N4BP2L2: variants seen among roughly 807,000 people sequenced by gnomAD.
N4BP2L2 encodes the protein NEDD4-binding protein 2-like 2.
In N4BP2L2, 50 loss-of-function variants were observed where a neutral mutation model predicts 56.2. The observed-to-expected ratio is 0.89, with a 90% CI of 0.71 to 1.13. The LOEUF is 1.13. N4BP2L2 is among the 50% of genes most tolerant of loss of function. The pLI, the probability that N4BP2L2 is intolerant of heterozygous loss-of-function variation, is 0.00. For missense variants in N4BP2L2, 689 were observed against 693.8 expected (o/e 0.99, Z 0.08); for synonymous variants, 203 against 223.6 (o/e 0.91, Z 0.82).
intron 6 of N4BP2L2, among the ~76,000 whole-genome samples, chr13:32,471,724 C>G (rs2082330361): frequency 6.6e-6 from 1 of 152,222 alleles, no homozygotes; most frequent in Non-Finnish European, 1.5e-5. Context: ...TGTGAGAGAG[C>G]TGCTGCGAGA....
At chr13:32,451,706 C>A (rs2078051663) in intron 6 of N4BP2L2, among the ~76,000 whole-genome samples, 1 of 151,324 alleles carries the variant, frequency 6.6e-6, no homozygotes, top group African/African-American at 2.4e-5. Context: ...CCATGCCCAG[C>A]TGCCCAGCTA....
exon 2 of N4BP2L2, chr13:32,536,186 G>A (rs1209952046): frequency 1.2e-6 from 2 of 1,614,034 alleles, no homozygotes; most frequent in Non-Finnish European, 1.7e-6. Context: ...ACTGGGAAGA[G>A]GGGGACCATA....
At chr13:32,499,366 T>G (rs2089514648) in intron 6 of N4BP2L2, among the ~76,000 whole-genome samples, 1 of 152,214 alleles carries the variant, frequency 6.6e-6, no homozygotes, top group Non-Finnish European at 1.5e-5. Flanking sequence ...TTCCATCTGT[T>G]ACTTCCTTAC....
chr13:32,457,718 A>T (rs139939606), intron 6 of N4BP2L2, among the ~76,000 whole-genome samples: 8 of 152,360 alleles, frequency 5.3e-5, no homozygotes, highest in African/African-American at 1.4e-4. Context: ...ACTACAAGAA[A>T]CGTTAAAAGA....
At chr13:32,456,544 T>C (rs1043181085) in intron 6 of N4BP2L2, among the ~76,000 whole-genome samples, 7 of 152,300 alleles carry the variant, frequency 4.6e-5, no homozygotes, top group Admixed American at 3.9e-4. Context: ...AATAATTTTA[T>C]GGAATTCCAG....
intron 6 of N4BP2L2, among the ~76,000 whole-genome samples, chr13:32,481,163 A>C (rs1312584873): frequency 7.4e-6 from 1 of 134,772 alleles, no homozygotes; most frequent in African/African-American, 2.7e-5. Context: ...TGCACTTTTT[A>C]GATTGTGTTC....
exon 2 of N4BP2L2, chr13:32,536,205 T>C (rs372976181): frequency 1.2e-6 from 2 of 1,613,656 alleles, no homozygotes; most frequent in Non-Finnish European, 8.5e-7. Context: ...TAGGGCACTA[T>C]AAAAGGATAT....
chr13:32,498,285 T>C (rs1427622598), intron 6 of N4BP2L2, among the ~76,000 whole-genome samples: 1 of 152,232 alleles, frequency 6.6e-6, no homozygotes, highest in Non-Finnish European at 1.5e-5. Context: ...CACATAATTA[T>C]GTCTGTTGAA....
chr13:32,442,676 C>T (rs1286211168), exon 7 of N4BP2L2: 1 of 1,613,470 alleles, frequency 6.2e-7, no homozygotes, highest in Admixed American at 1.7e-5. Context: ...GTCTGAGATT[C>T]GAAAGTCAAA....
intron 6 of N4BP2L2, among the ~76,000 whole-genome samples, chr13:32,486,707 AAAAAT>A (rs1300787761): frequency 6.6e-6 from 1 of 151,592 alleles, no homozygotes; most frequent in Non-Finnish European, 1.5e-5. Flanking sequence ...ACATAATAAT[AAAAAT>A]AAACTGGCTA....
intron 6 of N4BP2L2, among the ~76,000 whole-genome samples, chr13:32,501,156 C>T (rs867334294): frequency 6.6e-6 from 1 of 152,196 alleles, no homozygotes; most frequent in South Asian, 2.1e-4. Flanking sequence ...GTGTGAGCCA[C>T]TGCACCTGGC....
chr13:32,449,830 A>G (rs556783824), intron 6 of N4BP2L2, among the ~76,000 whole-genome samples: 1 of 152,370 alleles, frequency 6.6e-6, no homozygotes, highest in Non-Finnish European at 1.5e-5. Context: ...TACTTAAAAC[A>G]AACAGTTGAG....
intron 2 of N4BP2L2, among the ~76,000 whole-genome samples, chr13:32,533,478 T>C (rs2055573817): frequency 1.3e-5 from 2 of 151,368 alleles, no homozygotes; most frequent in African/African-American, 4.9e-5. Flanking sequence ...TCCAACTGCC[T>C]ACACTCATTA....
At chr13:32,463,766 A>C (rs1273586894) in intron 6 of N4BP2L2, among the ~76,000 whole-genome samples, 1 of 151,964 alleles carries the variant, frequency 6.6e-6, no homozygotes, top group East Asian at 1.9e-4. Context: ...GTGGGTTGAC[A>C]TTTCAATGTG....
intron 7 of N4BP2L2, among the ~76,000 whole-genome samples, chr13:32,441,852 G>A (rs1284293374): frequency 6.7e-6 from 1 of 149,506 alleles, no homozygotes; most frequent in Admixed American, 6.6e-5. Context: ...GACCATCCTG[G>A]CTAACATGGT....
At chr13:32,520,615 C>A (rs1352199758) in intron 5 of N4BP2L2, among the ~76,000 whole-genome samples, 2 of 150,064 alleles carry the variant, frequency 1.3e-5, no homozygotes, top group Non-Finnish European at 3.0e-5. Flanking sequence ...GCTGAGATTG[C>A]ACCACTGCAC....
At chr13:32,492,914 C>CTTTTTTTT (rs2087513613) in intron 6 of N4BP2L2, among the ~76,000 whole-genome samples, 1 of 96,774 alleles carries the variant, frequency 1.0e-5, no homozygotes, top group African/African-American at 4.2e-5. Flanking sequence ...TGTAGCTTTT[C>CTTTTTTTT]TGTTTTTTTT....
exon 6 of N4BP2L2, chr13:32,517,075 A>G: frequency 1.0e-6 from 1 of 976,372 alleles, no homozygotes; most frequent in African/African-American, 1.7e-5. Flanking sequence ...ATCACATTAA[A>G]TTGAACAGAG....
chr13:32,442,698 GT>G lies in N4BP2L2; in HGVS notation c.1793del (p.Asn598ThrfsTer6). On this transcript the variant is annotated frameshift_variant, in exon 7 of 10. Transcript: ENST00000357505. LOFTEE classifies it high-confidence loss of function. The stretch of plus-strand genomic sequence containing the variant: ...ATTCGAAAGTCAAAAACAGTTTCTT[GT>G]TTGTAAAAGATGGCTTCCAAATACT... The G allele has an allele frequency of 6.2e-7, 1 of 1,613,636 alleles. No homozygotes were observed. The highest frequency in any genetic ancestry group is 8.5e-7 in the Non-Finnish European group (1 of 1,179,810).
Sources: gnomAD v4.1 joint callset for allele counts (sites outside exome capture counted in the v4.1 genomes callset) on GRCh38, gnomAD v4.1.1 for gene constraint, MANE v1.5 for transcripts, NCBI Gene and HGNC (gene_info 2026-07-23, HGNC 2026-07-21) for gene names.